The following FSTL4 variants were observed in gnomAD, a reference collection of about 807,000 sequenced individuals.
The protein encoded by FSTL4 is follistatin-related protein 4.
Under a neutral mutation model 78.2 loss-of-function variants are expected in FSTL4, and 28 were observed. That is an observed-to-expected ratio of 0.36 (90% CI 0.27 to 0.49). FSTL4 has a LOEUF of 0.49. Among genes scored for constraint, FSTL4 ranks in the 20% least tolerant of loss-of-function variants. The probability of loss-of-function intolerance (pLI) is 0.98; values close to 1 mark genes in which losing one functional copy is unlikely to be tolerated. For synonymous variants in FSTL4, 422 were observed against 440.5 expected (o/e 0.96, Z 0.53); for missense variants, 922 against 1,084.9 (o/e 0.85, Z 2.11).
At chr5:133,265,211 C>T (rs530625580) in intron 6 of FSTL4, among the ~76,000 whole-genome samples, 1 of 152,224 alleles carries the variant, frequency 6.6e-6, no homozygotes, top group South Asian at 2.1e-4. Context: ...GAAGGCCTGC[C>T]AGCACCTGAT....
At chr5:133,315,271 C>T (rs994005417) in intron 5 of FSTL4, among the ~76,000 whole-genome samples, 2 of 152,212 alleles carry the variant, frequency 1.3e-5, no homozygotes, top group African/African-American at 2.4e-5. Flanking sequence ...AGAGGCACAG[C>T]GAAACGACAT....
At chr5:133,824,073 A>G in the FSTL4 span, among the ~76,000 whole-genome samples, 4,009 of 152,312 alleles carry the variant, frequency 0.026, 92 homozygotes, top group East Asian at 0.1. Flanking sequence ...TACTTCTGAC[A>G]CCAGATGCAT....
At chr5:133,839,770 T>C in the FSTL4 span, among the ~76,000 whole-genome samples, 1 of 152,234 alleles carries the variant, frequency 6.6e-6, no homozygotes, top group Admixed American at 6.5e-5. Flanking sequence ...AAAGCAAAGA[T>C]GGGCCATGTA....
At position 133,394,496 on chromosome 5, in the gene FSTL4, G is replaced by A. The variant is rs567022566; in HGVS notation, c.409+6242C>T. ...CCGGACAGCGAGGGGCTTAGCACCC[G>A]GGCCAGCAGCTGCGGAGGGTGCGCC... On this transcript the variant is annotated intron_variant, in intron 4 of 15. Transcript: ENST00000265342. Among the ~76,000 whole-genome samples the A allele has an allele frequency of 7.2e-5, 11 of 152,366 alleles. No homozygotes were observed. In the East Asian group the frequency reaches 7.7e-4, roughly 11 times the overall value.
rs532904704 is a variant in FSTL4 at position 133,565,442 on chromosome 5, T to A, written c.160+1744A>T. On this transcript the variant is annotated intron_variant, in intron 3 of 15. Transcript: ENST00000265342. ...ATTGACGTTACAGCACTGGGCTATTTCAGGAACTCTCAAACATTCAACTTT... is the reference window on the plus strand; with the variant it reads ...ATTGACGTTACAGCACTGGGCTATTACAGGAACTCTCAAACATTCAACTTT... Among the ~76,000 whole-genome samples the A allele has an allele frequency of 3.3e-5, 5 of 152,306 alleles. No homozygotes were observed. The South Asian group carries it at 1.0e-3, about 32-fold the overall frequency.
the FSTL4 span, among the ~76,000 whole-genome samples, chr5:133,645,580 A>C: frequency 6.6e-6 from 1 of 152,144 alleles, no homozygotes; most frequent in East Asian, 1.9e-4. Context: ...AGAAGGATAC[A>C]TCCATGTCCT....
At position 133,225,020 on chromosome 5, in the gene FSTL4, G is replaced by C. The variant is rs1428232183; in HGVS notation, c.1312+130C>G. 2.9e-6 allele frequency: 3 copies of C among 1,036,874 alleles called. No individual in the cohort carries two copies. The highest frequency in any genetic ancestry group is 4.4e-6 in the Non-Finnish European group (3 of 689,292). The allele number at this position is 1,036,874 out of a possible 1,614,324, so 64.2% of individuals were successfully genotyped here. ...CCAATTCCAGCTTTATGCAAAGAGG[G>C]ATATGAGGCTTACCCCTGTCTTCAC... On this transcript the variant is annotated intron_variant, in intron 10 of 15. Transcript: ENST00000265342. The surrounding 1 kb of genome is among the most constrained non-coding windows in gnomAD (Gnocchi z 4.6).
rs139920550 is a variant in FSTL4 at position 133,523,074 on chromosome 5, C to T, written c.160+44112G>A. Among the ~76,000 whole-genome samples the T allele has an allele frequency of 1.2e-3, 178 of 147,034 alleles. 1 individual carries two copies. Among genetic ancestry groups the T allele is most frequent in the African/African-American group, 4.0e-3 (160 of 39,830 alleles). ...TTAGAATTCTCAAGGAGGTAATTAACGTAAAATGAGGTCAGGAGGGCAGGG... is the reference window on the plus strand; with the variant it reads ...TTAGAATTCTCAAGGAGGTAATTAATGTAAAATGAGGTCAGGAGGGCAGGG... On this transcript the variant is annotated intron_variant, in intron 3 of 15. Transcript: ENST00000265342.
intron 6 of FSTL4, among the ~76,000 whole-genome samples, chr5:133,292,570 A>G (rs1753291059): frequency 6.7e-6 from 1 of 148,578 alleles, no homozygotes; most frequent in African/African-American, 2.5e-5. Flanking sequence ...AAAAAAAAAG[A>G]AAGTGTGAAG....
the FSTL4 span, among the ~76,000 whole-genome samples, chr5:133,685,034 T>C: frequency 6.6e-6 from 1 of 152,142 alleles, no homozygotes. Flanking sequence ...TAGCAAATGG[T>C]TGGTAGCATC....
intron 3 of FSTL4, among the ~76,000 whole-genome samples, chr5:133,437,017 A>G (rs1205159490): frequency 6.6e-6 from 1 of 152,250 alleles, no homozygotes; most frequent in Non-Finnish European, 1.5e-5. Flanking sequence ...TTGAGTTGCT[A>G]CAGGAGAAAG....
intron 6 of FSTL4, among the ~76,000 whole-genome samples, chr5:133,272,097 C>A (rs950645579): frequency 6.6e-6 from 1 of 152,164 alleles, no homozygotes; most frequent in African/African-American, 2.4e-5. Context: ...AGGTGAGTGG[C>A]TTAATGGGAA....
intron 6 of FSTL4, among the ~76,000 whole-genome samples, chr5:133,270,468 C>T (rs56853784): frequency 0.028 from 4,270 of 152,262 alleles, 207 homozygotes; most frequent in African/African-American, 0.097. Context: ...AATGTATTAG[C>T]GCTCCGTTCC....
chr5:133,278,058 C>T (rs1752927285), intron 6 of FSTL4, among the ~76,000 whole-genome samples: 1 of 152,176 alleles, frequency 6.6e-6, no homozygotes, highest in Non-Finnish European at 1.5e-5. Context: ...AAACTAACCC[C>T]AGGAACCTTA....
At chr5:133,305,659 T>A (rs1753640499) in intron 6 of FSTL4, among the ~76,000 whole-genome samples, 1 of 152,220 alleles carries the variant, frequency 6.6e-6, no homozygotes, top group African/African-American at 2.4e-5. Context: ...GGGCCTGCTG[T>A]GGTCTTGCTC....
At chr5:133,612,984 G>A (rs573592126), upstream of FSTL4, among the ~76,000 whole-genome samples, 2 of 152,310 alleles carry the variant, frequency 1.3e-5, no homozygotes, top group East Asian at 1.9e-4. This position sits in a 1 kb window ranked among gnomAD's most constrained non-coding sequence, Gnocchi z 6.2. Context: ...CCAACAACCT[G>A]GGAAACAGCA....
the FSTL4 span, among the ~76,000 whole-genome samples, chr5:133,793,508 A>G: frequency 2.8e-4 from 43 of 152,200 alleles, no homozygotes; most frequent in African/African-American, 9.9e-4. Context: ...CAGAGGACCT[A>G]AGTCCCTGGT....
At chr5:133,347,543 T>C (rs1204584776) in intron 4 of FSTL4, among the ~76,000 whole-genome samples, 2 of 152,038 alleles carry the variant, frequency 1.3e-5, no homozygotes, top group East Asian at 1.9e-4. Context: ...GATAGGGTTA[T>C]AGATGGGGTT....
the FSTL4 span, among the ~76,000 whole-genome samples, chr5:133,826,060 T>C: frequency 6.6e-6 from 1 of 152,206 alleles, no homozygotes; most frequent in Middle Eastern, 3.2e-3. Flanking sequence ...GCAGGCAACT[T>C]CTGAGCTGAG....
Sources: gnomAD v4.1 joint callset for allele counts (sites outside exome capture counted in the v4.1 genomes callset) on GRCh38, gnomAD v4.1.1 for gene constraint, Gnocchi (gnomAD v3.1) non-coding constraint, MANE v1.5 for transcripts, NCBI Gene and HGNC (gene_info 2026-07-23, HGNC 2026-07-21) for gene names.